The following RNF166 variants were observed in gnomAD, a reference collection of about 807,000 sequenced individuals.
The protein encoded by RNF166 is E3 ubiquitin-protein ligase RNF166.
A neutral mutation model predicts 29.4 loss-of-function variants in RNF166; 19 were observed. That is an observed-to-expected ratio of 0.65 (90% confidence interval 0.45 to 0.95). The LOEUF (loss-of-function observed/expected upper bound fraction) is 0.95, where lower values mean the gene tolerates loss of function less well. Among genes scored for constraint, RNF166 ranks in the 40% least tolerant of loss-of-function variants. The pLI, the probability that RNF166 is intolerant of heterozygous loss-of-function variation, is 0.00. For missense variants in RNF166, 347 were observed against 322.1 expected (o/e 1.08, Z -0.59); for synonymous variants, 171 against 134.5 (o/e 1.27, Z -1.88).
intron 1 of RNF166, chr16:88,703,355 G>A (rs1910458851): frequency 3.0e-6 from 3 of 985,384 alleles, no homozygotes; most frequent in Admixed American, 6.1e-5. Context: ...GCACAGCACG[G>A]CCACGGGCTG....
rs1176088469 is a variant in RNF166 at position 88,698,620 on chromosome 16, C to T, written c.541-11G>A. On this transcript the variant is annotated splice_polypyrimidine_tract_variant and intron_variant, in intron 4 of 5. Coordinates refer to ENST00000312838, the MANE Select transcript of RNF166 (RefSeq NM_178841.4). The stretch of plus-strand genomic sequence containing the variant: ...GCAGATGGGGCACACCTGGAACAGG[C>T]ACTGGGGTCAAGCCGAGCCGGACCG... 7 of 1,504,278 alleles carry T rather than the reference C, an allele frequency of 4.7e-6. No homozygotes were observed. The South Asian group carries it at 9.1e-5, about 20-fold the overall frequency. 93.2% of individuals were successfully genotyped at this position (1,504,278 alleles called of 1,614,324 possible).
chr16:88,696,693 G>C lies in RNF166; in HGVS notation c.*875C>G. Reference sequence around the variant, plus strand: ...CACAGTCAGCTTTGAAGGTGACAGCGGGCCAAGGCCAGGACTCTGGGTGGA... The same window carrying C: ...CACAGTCAGCTTTGAAGGTGACAGCCGGCCAAGGCCAGGACTCTGGGTGGA... On this transcript the variant is annotated 3_prime_UTR_variant, in exon 6 of 6. Coordinates refer to ENST00000312838, the MANE Select transcript of RNF166 (RefSeq NM_178841.4). 4.6e-6 allele frequency: 2 copies of C among 431,570 alleles called. No homozygotes were observed. The highest frequency in any genetic ancestry group is 9.1e-6 in the Non-Finnish European group (2 of 220,588). The allele number at this position is 431,570 out of a possible 1,614,324, so 26.7% of individuals were successfully genotyped here.
At chr16:88,701,828 C>T (rs1194899992) in intron 1 of RNF166, among the ~76,000 whole-genome samples, 1 of 152,250 alleles carries the variant, frequency 6.6e-6, no homozygotes, top group African/African-American at 2.4e-5. Context: ...CCCGGCTCCA[C>T]ACTCTGGGGG....
chr16:88,696,634 C>T lies in RNF166; in HGVS notation c.*934G>A, dbSNP rs1909664194. Reference sequence around the variant, plus strand: ...CCCTGCCCAGGCCCCCAAGCTCTGCCACCACTGGGGTGCCGTCCCCTCCCG... The same window carrying T: ...CCCTGCCCAGGCCCCCAAGCTCTGCTACCACTGGGGTGCCGTCCCCTCCCG... On this transcript the variant is annotated 3_prime_UTR_variant, in exon 6 of 6. Coordinates refer to ENST00000312838, the MANE Select transcript of RNF166 (RefSeq NM_178841.4). The T allele has an allele frequency of 2.2e-6, 1 of 451,894 alleles. No individual in the cohort carries two copies. The highest frequency in any genetic ancestry group is 2.4e-5 in the Admixed American group (1 of 40,942). The allele number at this position is 451,894 out of a possible 1,614,324, so 28.0% of individuals were successfully genotyped here.
In RNF166 at chr16:88,706,178, C is replaced by T; in HGVS notation, c.148G>A (p.Gly50Ser). The T allele has an allele frequency of 1.6e-6, 2 of 1,266,512 alleles. No homozygotes were observed. Among genetic ancestry groups the T allele is most frequent in the South Asian group, 2.1e-5 (1 of 47,404 alleles). 78.5% of individuals were successfully genotyped at this position (1,266,512 alleles called of 1,614,324 possible). A position where few individuals can be genotyped will look rare whatever the true frequency, so the allele number is the denominator to read the frequency against. Residue 50 changes from glycine to serine, a missense_variant, in exon 1 of 6, where the codon GGC (glycine) becomes AGC (serine). By Grantham distance (56) the Gly-to-Ser change is moderately conservative. Transcript: ENST00000312838. ...CTGGGCGGGCGCGCTCACGTGTGGC[C>T]GCAGCTGCCGATGGCCACGGGCCGG... Reference protein sequence around the residue: ...YHRPVAIGSCGHTFCGECLQP... With the variant: ...YHRPVAIGSCSHTFCGECLQP...
intron 3 of RNF166, 49 bp downstream of exon 3, chr16:88,699,571 A>G: frequency 1.4e-6 from 2 of 1,466,660 alleles, no homozygotes; most frequent in Non-Finnish European, 1.9e-6. Flanking sequence ...TCCCAGAACG[A>G]GGAAACCGCC....
At chr16:88,698,335 C>T (rs563611907) in intron 5 of RNF166, 167 bp downstream of exon 5, 3 of 719,678 alleles carry the variant, frequency 4.2e-6, no homozygotes, top group Non-Finnish European at 7.6e-6. Flanking sequence ...TCACTCCCCA[C>T]CTGCAGGCAG....
intron 1 of RNF166, chr16:88,703,296 ACCT>A (rs531376304): frequency 5.5e-4 from 541 of 985,000 alleles, no homozygotes; most frequent in Middle Eastern, 1.0e-3. Context: ...TGGATGGTGC[ACCT>A]CCTGAGTGAA....
rs531790877 is a variant in RNF166, at chr16:88,703,036, G to A, written c.156-1618C>T. The A allele has an allele frequency of 4.5e-5, 44 of 985,436 alleles. No individual in the cohort carries two copies. In the South Asian group the frequency reaches 1.1e-3, roughly 24 times the overall value. 61.0% of individuals were successfully genotyped at this position (985,436 alleles called of 1,614,324 possible). A position where few individuals can be genotyped will look rare whatever the true frequency, so the allele number is the denominator to read the frequency against. On this transcript the variant is annotated intron_variant, in intron 1 of 5. Coordinates refer to ENST00000312838, the MANE Select transcript of RNF166 (RefSeq NM_178841.4). ...ACACCCATGGAAAGGGCGTTCGGCC[G>A]GGAAGAGGCGTGCAGCCCCACCACG...
In RNF166 at chr16:88,701,312, C is replaced by T. The variant is rs1246706923; in HGVS notation, c.262G>A (p.Glu88Lys). 1 of 1,613,626 alleles carries T rather than the reference C, an allele frequency of 6.2e-7. No homozygotes were observed. The highest frequency in any genetic ancestry group is 8.5e-7 in the Non-Finnish European group (1 of 1,179,966). The change falls in exon 2 of 6, where the codon GAG becomes AAG. Residue 88 changes from glutamate (E) to lysine (K), a missense_variant. By Grantham distance (56) the Glu-to-Lys change is moderately conservative. Coordinates refer to ENST00000312838, the MANE Select transcript of RNF166 (RefSeq NM_178841.4). ...PKKVDKATHV[E>K]KQLSSYKAPC... Reference sequence around the variant, plus strand: ...GCTTTGTAGGATGAGAGCTGCTTCTCCACGTGGGTGGCCTTGTCCACCTTC... The same window carrying T: ...GCTTTGTAGGATGAGAGCTGCTTCTTCACGTGGGTGGCCTTGTCCACCTTC...
intron 1 of RNF166, among the ~76,000 whole-genome samples, chr16:88,705,166 C>T (rs1408028260): frequency 6.6e-6 from 1 of 152,246 alleles, no homozygotes; most frequent in Non-Finnish European, 1.5e-5. Flanking sequence ...TGCATCCTGA[C>T]ACTGGCCCTG....
intron 1 of RNF166, among the ~76,000 whole-genome samples, chr16:88,704,882 C>G (rs1359718446): frequency 3.3e-5 from 5 of 152,194 alleles, no homozygotes; most frequent in Non-Finnish European, 7.3e-5. Context: ...CCCAGCTACT[C>G]TGGAGGCTGA....
In RNF166 at chr16:88,701,379, T is replaced by A. The variant is rs1162686106; in HGVS notation, c.195A>T (p.Pro65=). 6.2e-7 allele frequency: 1 copy of A among 1,611,700 alleles called. No homozygotes were observed. Among genetic ancestry groups the A allele is most frequent in the Non-Finnish European group, 8.5e-7 (1 of 1,179,494 alleles). Residue 65 remains proline, a synonymous_variant, in exon 2 of 6, where the codon CCA becomes CCT. Transcript: ENST00000312838. ...GECLQPCLQV[P]SPLCPLCRLP... is the part of the protein sequence containing the mutation. Reference sequence around the variant, plus strand: ...GGCGGCAGAGTGGGCACAGCGGGGATGGCACCTGCAGGCAGGGCTGGAGAC... The same window carrying A: ...GGCGGCAGAGTGGGCACAGCGGGGAAGGCACCTGCAGGCAGGGCTGGAGAC...
chr16:88,700,702 AGGGCCAC>A (rs1043077228), intron 2 of RNF166: 6 of 987,256 alleles, frequency 6.1e-6, no homozygotes, highest in African/African-American at 1.7e-5. Flanking sequence ...TGTGCCAGGG[AGGGCCAC>A]GGGGCACGGG....
chr16:88,700,656 G>A (rs569670553), intron 2 of RNF166: 205 of 986,584 alleles, frequency 2.1e-4, no homozygotes, highest in Non-Finnish European at 2.4e-4. Context: ...CTGAAAGAAC[G>A]GGGCGCTGGC....
At chr16:88,703,897 G>A (rs1910514266) in intron 1 of RNF166, 1 of 985,468 alleles carries the variant, frequency 1.0e-6, no homozygotes, top group African/African-American at 1.7e-5. Context: ...CCCCACAGCT[G>A]TCCTGCACGA....
At chr16:88,703,590 G>A in intron 1 of RNF166, 17 of 985,458 alleles carry the variant, frequency 1.7e-5, no homozygotes, top group Non-Finnish European at 1.9e-5. Context: ...CTGCCAGCCT[G>A]GTGTTCAGAG....
intron 1 of RNF166, chr16:88,703,222 G>C (rs750652769): frequency 6.4e-5 from 62 of 975,304 alleles, no homozygotes; most frequent in Non-Finnish European, 7.2e-5. Context: ...TTTCTTTCTG[G>C]AGTGGGAAGA....
intron 3 of RNF166, 95 bp from the exon 4 acceptor site, chr16:88,699,180 C>A: frequency 2.2e-6 from 2 of 891,726 alleles, no homozygotes; most frequent in Non-Finnish European, 3.6e-6. Flanking sequence ...CCAGGCCTGC[C>A]CTCTGTAGGC....
Sources: gnomAD v4.1 joint callset for allele counts (sites outside exome capture counted in the v4.1 genomes callset) on GRCh38, gnomAD v4.1.1 for gene constraint, MANE v1.5 for transcripts, NCBI Gene and HGNC (gene_info 2026-07-23, HGNC 2026-07-21) for gene names.